Variants in LPP observed in about 807,000 individuals in gnomAD.
LPP encodes the protein lipoma-preferred partner.
Under a neutral mutation model 60.4 loss-of-function variants are expected in LPP, and 38 were observed. That is an observed-to-expected ratio of 0.63 (90% confidence interval 0.49 to 0.83). The LOEUF is 0.83. Ranked by LOEUF, LPP falls within the 40% of genes least tolerant of loss-of-function variation. The pLI is 0.00. For synonymous variants in LPP, 328 were observed against 290.8 expected, an observed-to-expected ratio of 1.13 and a Z score of -1.30; for missense variants, 902 against 783.6, an observed-to-expected ratio of 1.15 and a Z score of -1.80.
At chr3:188,372,141 G>A (rs1031170322) in intron 3 of LPP, among the ~76,000 whole-genome samples, 8 of 152,020 alleles carry the variant, frequency 5.3e-5, no homozygotes, top group African/African-American at 1.4e-4. Flanking sequence ...CCCAACCCAA[G>A]TGTTGTAGAA....
intron 3 of LPP, among the ~76,000 whole-genome samples, chr3:188,369,499 G>C (rs1772359946): frequency 6.6e-6 from 1 of 152,016 alleles, no homozygotes; most frequent in South Asian, 2.1e-4. Flanking sequence ...TTCTTGTCTT[G>C]TCAACCTCCT....
chr3:188,324,337 G>A (rs541797335), intron 2 of LPP, among the ~76,000 whole-genome samples: 3 of 151,932 alleles, frequency 2.0e-5, no homozygotes, highest in Non-Finnish European at 4.4e-5. Context: ...ATTACCATAA[G>A]TCCAACGTTC....
At chr3:188,843,730 G>T (rs78162172) in intron 9 of LPP, among the ~76,000 whole-genome samples, 16,252 of 139,798 alleles carry the variant, frequency 0.12, 1,325 homozygotes, top group Non-Finnish European at 0.18. Flanking sequence ...GAGCTTGCAG[G>T]GAGCCGAGAT....
intron 8 of LPP, among the ~76,000 whole-genome samples, chr3:188,728,747 T>G (rs1239225252): frequency 6.6e-6 from 1 of 152,090 alleles, no homozygotes; most frequent in Middle Eastern, 3.2e-3. Flanking sequence ...CTCTAGTGAG[T>G]TGGTATGTCT....
intron 6 of LPP, among the ~76,000 whole-genome samples, chr3:188,552,707 T>G (rs776627439): frequency 1.3e-5 from 2 of 152,182 alleles, no homozygotes; most frequent in Non-Finnish European, 2.9e-5. Flanking sequence ...TCTTTCATAG[T>G]CATGTCTCTC....
chr3:188,811,455 G>A (rs1157430915), intron 9 of LPP, among the ~76,000 whole-genome samples: 1 of 151,872 alleles, frequency 6.6e-6, no homozygotes, highest in African/African-American at 2.4e-5. Flanking sequence ...TATTGGAGAA[G>A]ACATCATTTG....
chr3:188,783,191 C>T (rs1238421491), intron 9 of LPP, among the ~76,000 whole-genome samples: 1 of 152,170 alleles, frequency 6.6e-6, no homozygotes, highest in African/African-American at 2.4e-5. Context: ...ATTGACTCCA[C>T]AGCTCTCTGT....
At chr3:188,563,151 G>A (rs1433457137) in intron 6 of LPP, among the ~76,000 whole-genome samples, 2 of 151,960 alleles carry the variant, frequency 1.3e-5, no homozygotes, top group Non-Finnish European at 2.9e-5. Flanking sequence ...GAATGGAATA[G>A]TTCCTCTAAT....
intron 5 of LPP, among the ~76,000 whole-genome samples, chr3:188,523,666 T>C (rs1404384765): frequency 6.6e-6 from 1 of 152,222 alleles, no homozygotes; most frequent in African/African-American, 2.4e-5. Flanking sequence ...TTGCAGACAC[T>C]AGATACTCTC....
At chr3:188,584,520 G>A (rs2151020544) in intron 6 of LPP, 1 of 148,508 alleles carries the variant, frequency 6.7e-6, no homozygotes, top group Non-Finnish European at 1.5e-5. Flanking sequence ...AGAAAAATAA[G>A]TTTAAATGTT....
chr3:188,833,641 T>C (rs905543163), intron 9 of LPP, among the ~76,000 whole-genome samples: 1 of 152,182 alleles, frequency 6.6e-6, no homozygotes, highest in Non-Finnish European at 1.5e-5. Flanking sequence ...AAGATTTCAC[T>C]AAGCAAAATG....
intron 2 of LPP, among the ~76,000 whole-genome samples, chr3:188,260,337 C>T (rs1733138733): frequency 6.6e-6 from 1 of 152,166 alleles, no homozygotes; most frequent in Admixed American, 6.5e-5. Flanking sequence ...GCCACTGTGC[C>T]TGGCCACTTC....
At chr3:188,201,195 G>T (rs1467348596) in intron 1 of LPP, among the ~76,000 whole-genome samples, 1 of 152,140 alleles carries the variant, frequency 6.6e-6, no homozygotes, top group Non-Finnish European at 1.5e-5. Context: ...AGAAGTCAAG[G>T]ATTCTTCCAC....
chr3:188,847,063 T>C (rs1761619674), intron 9 of LPP, among the ~76,000 whole-genome samples: 2 of 152,166 alleles, frequency 1.3e-5, no homozygotes, highest in African/African-American at 4.8e-5. Flanking sequence ...ATTTGGGAAA[T>C]TTTACATAAA....
intron 7 of LPP, among the ~76,000 whole-genome samples, chr3:188,706,528 G>C (rs1343371829): frequency 1.3e-5 from 2 of 152,184 alleles, no homozygotes; most frequent in Non-Finnish European, 2.9e-5. Context: ...AATTATTTTA[G>C]AGAAAAGGCC....
chr3:188,662,928 T>C (rs1854917417), intron 7 of LPP, among the ~76,000 whole-genome samples: 1 of 152,276 alleles, frequency 6.6e-6, no homozygotes, highest in Non-Finnish European at 1.5e-5. Context: ...TTCCCTGTTG[T>C]ACTACCTGTG....
chr3:188,456,205 A>G (rs1797704747), intron 4 of LPP, among the ~76,000 whole-genome samples: 2 of 152,224 alleles, frequency 1.3e-5, no homozygotes, highest in Admixed American at 1.3e-4. Flanking sequence ...TATTGACACC[A>G]TATTAGAAAC....
At chr3:188,842,138 G>T (rs1420608806) in intron 9 of LPP, among the ~76,000 whole-genome samples, 3 of 152,160 alleles carry the variant, frequency 2.0e-5, no homozygotes, top group Admixed American at 2.0e-4. Context: ...GTGTACAAGG[G>T]TTCCCTTTTC....
intron 8 of LPP, among the ~76,000 whole-genome samples, chr3:188,738,260 A>G (rs987008819): frequency 1.3e-5 from 2 of 152,146 alleles, no homozygotes; most frequent in African/African-American, 4.8e-5. Flanking sequence ...TGCGAAAACA[A>G]CAATAAACAC....
Sources: allele counts gnomAD v4.1 joint callset (sites outside exome capture counted in the v4.1 genomes callset), GRCh38; gene constraint gnomAD v4.1.1; transcripts MANE v1.5; gene names NCBI Gene and HGNC (gene_info 2026-07-23, HGNC 2026-07-21).